The following GK5 variants were observed in gnomAD, a reference collection of about 807,000 sequenced individuals.
GK5 encodes glycerol kinase 5.
A neutral mutation model predicts 77.3 loss-of-function variants in GK5; 39 were observed. The observed-to-expected ratio is 0.50, with a 90% CI of 0.39 to 0.66. GK5 has a LOEUF of 0.66. Ranked by LOEUF, GK5 falls within the 30% of genes least tolerant of loss-of-function variation. The probability of loss-of-function intolerance (pLI) is 0.00; values close to 1 mark genes in which losing one functional copy is unlikely to be tolerated. For synonymous variants in GK5, 211 were observed against 208.0 expected, an observed-to-expected ratio of 1.01 and a Z score of -0.13; for missense variants, 487 against 633.8, an observed-to-expected ratio of 0.77 and a Z score of 2.49.
chr3:142,187,859 A>G, intron 5 of GK5, 80 bp from the exon 6 acceptor site: 1 of 926,836 alleles, frequency 1.1e-6, no homozygotes, highest in Non-Finnish European at 1.7e-6. Flanking sequence ...CAGTGATACA[A>G]TATAAACCCA....
chr3:142,211,260 C>G (rs931102782), intron 3 of GK5, among the ~76,000 whole-genome samples: 1 of 152,146 alleles, frequency 6.6e-6, no homozygotes, highest in African/African-American at 2.4e-5. Flanking sequence ...AGCTGCAACA[C>G]CACAGGACGG....
chr3:142,170,803 C>A (rs945546660), intron 14 of GK5, among the ~76,000 whole-genome samples: 4 of 142,708 alleles, frequency 2.8e-5, no homozygotes, highest in South Asian at 2.2e-4. Context: ...AGGATATACA[C>A]CCAAAAAAGA....
intron 3 of GK5, among the ~76,000 whole-genome samples, chr3:142,209,714 T>A (rs546936104): frequency 1.8e-4 from 27 of 152,282 alleles, no homozygotes; most frequent in African/African-American, 6.5e-4. Context: ...GAATATAGAG[T>A]AATTTGTGTA....
Position 142,186,436 on chromosome 3 carries a change from A to G in GK5, c.681+16T>C. 1.5e-6 allele frequency: 2 copies of G among 1,357,838 alleles called. No homozygotes were observed. Among genetic ancestry groups the G allele is most frequent in the East Asian group, 2.6e-5 (1 of 38,684 alleles). 84.1% of individuals were successfully genotyped at this position (1,357,838 alleles called of 1,614,324 possible). A position where few individuals can be genotyped will look rare whatever the true frequency, so the allele number is the denominator to read the frequency against. On this transcript the variant is annotated intron_variant, in intron 7 of 15. Coordinates refer to ENST00000392993, the MANE Select transcript of GK5 (RefSeq NM_001039547.3). Reference sequence around the variant, plus strand: ...CAAAAATGTGTGATTCAAAAAGAAGAAAAAAAAATTTTTACCTTATATGGG... The same window carrying G: ...CAAAAATGTGTGATTCAAAAAGAAGGAAAAAAAATTTTTACCTTATATGGG...
chr3:142,203,574 A>C (rs2064060669), intron 4 of GK5, among the ~76,000 whole-genome samples: 1 of 152,160 alleles, frequency 6.6e-6, no homozygotes, highest in Non-Finnish European at 1.5e-5. Context: ...GGAGATCGAG[A>C]CCATCCTGAC....
intron 8 of GK5, 71 bp downstream of exon 8, chr3:142,186,123 G>T: frequency 8.3e-7 from 1 of 1,211,356 alleles, no homozygotes; most frequent in Non-Finnish European, 1.2e-6. Flanking sequence ...GTAATAAAAT[G>T]CTTTTCCCCA....
At position 142,159,851 on chromosome 3, in the gene GK5, C is replaced by CTTTTTTTTTTTTTTTTTTTTTTT. The variant is rs1342546449; in HGVS notation, c.*5770_*5771insAAAAAAAAAAAAAAAAAAAAAAA. On this transcript the variant is annotated 3_prime_UTR_variant, in exon 16 of 16. Coordinates refer to ENST00000392993, the MANE Select transcript of GK5 (RefSeq NM_001039547.3). Reference sequence around the variant, plus strand: ...GCTTTCTCTCTCTCTCTCTCTCTCTCTCTTTTTTTTTTTTGAGACAGAGTC... The same window carrying CTTTTTTTTTTTTTTTTTTTTTTT: ...GCTTTCTCTCTCTCTCTCTCTCTCTCTTTTTTTTTTTTTTTTTTTTTTTTCTTTTTTTTTTTTGAGACAGAGTC... 6 of 87,002 alleles carry CTTTTTTTTTTTTTTTTTTTTTTT rather than the reference C, an allele frequency of 6.9e-5. No individual in the cohort carries two copies. Among genetic ancestry groups the CTTTTTTTTTTTTTTTTTTTTTTT allele is most frequent in the African/African-American group, 2.7e-4 (6 of 22,180 alleles). 5.4% of individuals were successfully genotyped at this position (87,002 alleles called of 1,614,324 possible).
intron 11 of GK5, 86 bp downstream of exon 11, chr3:142,181,375 C>T: frequency 1.5e-6 from 1 of 656,630 alleles, no homozygotes; most frequent in Non-Finnish European, 2.6e-6. Flanking sequence ...TTGAACAATC[C>T]ATTTGCTTCC....
intron 1 of GK5, among the ~76,000 whole-genome samples, chr3:142,216,848 C>A (rs1403005986): frequency 6.6e-6 from 1 of 152,182 alleles, no homozygotes; most frequent in African/African-American, 2.4e-5. Context: ...ACACACAGGG[C>A]AGATCCAAAT....
intron 12 of GK5, among the ~76,000 whole-genome samples, chr3:142,177,097 T>C (rs1359874739): frequency 6.6e-6 from 1 of 152,238 alleles, no homozygotes; most frequent in Non-Finnish European, 1.5e-5. Flanking sequence ...AATGGCTTAT[T>C]TCCTCTAAGT....
chr3:142,181,508 C>G lies in GK5; in HGVS notation c.1001G>C (p.Ser334Thr), dbSNP rs757462003. ...GGCAGTACCAGTGTCTCCTGCATTG[C>G]TTTCAGCTAAGCATACGACTTCTTG... is the stretch of plus-strand genomic sequence containing the variant. The part of the protein sequence containing the change: ...IGQEVVCLAE[S>T]NAGDTGTAIK... Residue 334 changes from serine to threonine, a missense_variant, in exon 11 of 16, where the codon AGC (serine) becomes ACC (threonine). Around this residue, in one of 4 missense-constraint regions of GK5, gnomAD observed 323 missense variants for 437.4 expected, o/e 0.74. Coordinates refer to ENST00000392993, the MANE Select transcript of GK5 (RefSeq NM_001039547.3). 6.8e-6 allele frequency: 11 copies of G among 1,613,666 alleles called. No homozygotes were observed. The highest frequency in any genetic ancestry group is 8.5e-6 in the Non-Finnish European group (10 of 1,179,868).
At position 142,160,351 on chromosome 3, in the gene GK5, T is replaced by C. The variant is rs2063416780; in HGVS notation, c.*5271A>G. On this transcript the variant is annotated 3_prime_UTR_variant, in exon 16 of 16. Transcript: ENST00000392993. ...ATTTCCCAAAGGGATTCAGAATCCT[T>C]TGGGGTACATTCAAGTCTTCTAGGC... 1 of 152,196 alleles carries C rather than the reference T, an allele frequency of 6.6e-6. No individual in the cohort carries two copies. The highest frequency in any genetic ancestry group is 2.4e-5 in the African/African-American group (1 of 41,440). 9.4% of individuals were successfully genotyped at this position (152,196 alleles called of 1,614,324 possible). A position where few individuals can be genotyped will look rare whatever the true frequency, so the allele number is the denominator to read the frequency against.
At chr3:142,212,279 A>G (rs548455118) in intron 3 of GK5, among the ~76,000 whole-genome samples, 1 of 152,240 alleles carries the variant, frequency 6.6e-6, no homozygotes, top group East Asian at 1.9e-4. Context: ...AGAGAAACAC[A>G]TGCTAGCTGG....
chr3:142,170,314 T>G lies in GK5; in HGVS notation c.1441+11A>C. On this transcript the variant is annotated intron_variant, in intron 15 of 15. Coordinates refer to ENST00000392993, the MANE Select transcript of GK5 (RefSeq NM_001039547.3). ...CAAGAAAACTCTCATTCTTATAAAT[T>G]TCACACATACCAACAGCAAGGCCAG... 1.2e-6 allele frequency: 2 copies of G among 1,613,660 alleles called. No individual in the cohort carries two copies. Among genetic ancestry groups the G allele is most frequent in the Non-Finnish European group, 1.7e-6 (2 of 1,179,650 alleles).
intron 2 of GK5, among the ~76,000 whole-genome samples, chr3:142,213,843 G>T (rs925174682): frequency 6.6e-6 from 1 of 151,984 alleles, no homozygotes; most frequent in Non-Finnish European, 1.5e-5. Context: ...TTTGTTTTGA[G>T]ACAAAGTGTC....
intron 11 of GK5, among the ~76,000 whole-genome samples, chr3:142,179,744 G>A (rs1174846312): frequency 1.3e-5 from 2 of 152,152 alleles, no homozygotes; most frequent in Non-Finnish European, 2.9e-5. Context: ...CACTTAATCT[G>A]TTGTCAAATA....
chr3:142,165,854 G>A (rs771767983), intron 15 of GK5, 84 bp from the exon 16 acceptor site: 5 of 832,884 alleles, frequency 6.0e-6, no homozygotes, highest in Non-Finnish European at 9.0e-6. Context: ...CGAGTTGCTG[G>A]TAGAAAGGTA....
rs1263255276 is a variant in GK5 at position 142,163,727 on chromosome 3, G to T, written c.*1895C>A. On this transcript the variant is annotated 3_prime_UTR_variant, in exon 16 of 16. Transcript: ENST00000392993. Reference sequence around the variant, plus strand: ...ATTACACCCATTGGCTGGGTGCAGTGGTTCACGGCTGCAATCCCAGCACTT... The same window carrying T: ...ATTACACCCATTGGCTGGGTGCAGTTGTTCACGGCTGCAATCCCAGCACTT... 1 of 152,152 alleles carries T rather than the reference G, an allele frequency of 6.6e-6. No homozygotes were observed. Among genetic ancestry groups the T allele is most frequent in the Non-Finnish European group, 1.5e-5 (1 of 68,044 alleles). The allele number at this position is 152,152 out of a possible 1,614,324, so 9.4% of individuals were successfully genotyped here.
At chr3:142,197,983 T>A (rs2107787182) in intron 5 of GK5, among the ~76,000 whole-genome samples, 1 of 150,560 alleles carries the variant, frequency 6.6e-6, no homozygotes, top group South Asian at 2.1e-4. Context: ...AGATCGCACA[T>A]TGCACTCCAG....
Sources: allele counts gnomAD v4.1 joint callset (sites outside exome capture counted in the v4.1 genomes callset), GRCh38; gene constraint gnomAD v4.1.1; regional missense constraint gnomAD v4.1.1; transcripts MANE v1.5; gene names NCBI Gene and HGNC (gene_info 2026-07-23, HGNC 2026-07-21).